Variants in XKR9 observed in about 807,000 individuals in gnomAD.
XKR9 encodes the protein XK related 9, also known as XK-related protein 9.
Under a neutral mutation model 32.0 loss-of-function variants are expected in XKR9, and 32 were observed. The ratio of observed to expected loss-of-function variants is 1.00; its 90% CI spans 0.76 to 1.34. XKR9 has a LOEUF of 1.34. Among genes scored for constraint, XKR9 ranks in the 40% most tolerant of loss-of-function variants. The pLI is 0.00. For missense variants in XKR9, 546 were observed against 429.7 expected (o/e 1.27, Z -2.39); for synonymous variants, 168 against 143.4 (o/e 1.17, Z -1.22).
chr8:70,761,497 C>T (rs545724171), intron 2 of XKR9, among the ~76,000 whole-genome samples: 6 of 152,078 alleles, frequency 3.9e-5, no homozygotes, highest in African/African-American at 7.2e-5. Context: ...GTTGTTCGCA[C>T]GTGTCTTCTT....
At chr8:70,881,830 G>T in the XKR9 span, among the ~76,000 whole-genome samples, 1 of 152,190 alleles carries the variant, frequency 6.6e-6, no homozygotes, top group Non-Finnish European at 1.5e-5. Context: ...GTTTATTGCG[G>T]CACTATTCAC....
At chr8:70,749,081 A>C (rs1169447889) in intron 2 of XKR9, among the ~76,000 whole-genome samples, 1 of 152,162 alleles carries the variant, frequency 6.6e-6, no homozygotes, top group Non-Finnish European at 1.5e-5. Flanking sequence ...CATCGGGATG[A>C]CCTGCCTACA....
chr8:70,895,757 G>A, the XKR9 span, among the ~76,000 whole-genome samples: 6 of 150,058 alleles, frequency 4.0e-5, no homozygotes, highest in African/African-American at 1.2e-4. Flanking sequence ...GGCCAACGTG[G>A]GCAGATCACT....
chr8:70,792,481 A>T (rs1330563093), downstream of XKR9, among the ~76,000 whole-genome samples: 1 of 152,158 alleles, frequency 6.6e-6, no homozygotes, highest in Non-Finnish European at 1.5e-5. Context: ...GGTGTCATGT[A>T]CTGTGCCAGA....
the XKR9 span, among the ~76,000 whole-genome samples, chr8:70,835,260 T>C: frequency 2.0e-5 from 3 of 152,242 alleles, no homozygotes; most frequent in East Asian, 5.8e-4. Context: ...TTTATTTGAC[T>C]GGGAAAAGAA....
the XKR9 span, among the ~76,000 whole-genome samples, chr8:70,939,547 TG>T: frequency 6.6e-6 from 1 of 152,114 alleles, no homozygotes; most frequent in African/African-American, 2.4e-5. Context: ...TCTTCAGTGC[TG>T]GGCCTGCCAG....
the XKR9 span, among the ~76,000 whole-genome samples, chr8:70,999,357 A>G: frequency 6.6e-6 from 1 of 152,296 alleles, no homozygotes; most frequent in Admixed American, 6.5e-5. Context: ...CCACCATATC[A>G]TGAGATCTGA....
At chr8:70,778,440 G>T (rs188154671) in intron 2 of XKR9, among the ~76,000 whole-genome samples, 49 of 152,116 alleles carry the variant, frequency 3.2e-4, no homozygotes, top group African/African-American at 1.2e-3. Context: ...GCTCTTTTTT[G>T]GTTCCATATG....
intron 4 of XKR9, among the ~76,000 whole-genome samples, chr8:70,733,074 T>C (rs1586870292): frequency 6.6e-6 from 1 of 151,604 alleles, no homozygotes; most frequent in South Asian, 2.1e-4. Context: ...ACCACTGCAC[T>C]CCAGCCATAG....
the XKR9 span, among the ~76,000 whole-genome samples, chr8:70,974,491 T>C: frequency 6.6e-6 from 1 of 152,108 alleles, no homozygotes; most frequent in Non-Finnish European, 1.5e-5. Flanking sequence ...GAACATGCAG[T>C]GTTTGGTTTT....
the XKR9 span, among the ~76,000 whole-genome samples, chr8:70,927,323 T>C: frequency 3.3e-5 from 5 of 152,128 alleles, no homozygotes; most frequent in African/African-American, 9.7e-5. Flanking sequence ...CGTCTTTGGA[T>C]GCCGGGCAGC....
intron 2 of XKR9, among the ~76,000 whole-genome samples, chr8:70,752,119 C>T (rs1807150840): frequency 6.6e-6 from 1 of 152,188 alleles, no homozygotes; most frequent in Admixed American, 6.5e-5. Context: ...TTTTCCCTCT[C>T]ACTGATTCTG....
At chr8:70,978,237 T>A in the XKR9 span, among the ~76,000 whole-genome samples, 59 of 152,326 alleles carry the variant, frequency 3.9e-4, 1 homozygote, top group Admixed American at 3.3e-3. Flanking sequence ...CATTTACATT[T>A]AAGGTTAGTA....
At chr8:70,945,443 T>TC in the XKR9 span, among the ~76,000 whole-genome samples, 1 of 152,104 alleles carries the variant, frequency 6.6e-6, no homozygotes, top group Non-Finnish European at 1.5e-5. Flanking sequence ...GATCATGGCA[T>TC]CCCCCAAATG....
At chr8:70,789,918 A>G (rs1261082118) in intron 3 of XKR9, among the ~76,000 whole-genome samples, 1 of 151,994 alleles carries the variant, frequency 6.6e-6, no homozygotes, top group East Asian at 1.9e-4. Flanking sequence ...TGGAGTAACC[A>G]TTAGCAACAA....
Position 70,778,901 on chromosome 8 carries a change from C to T in XKR9, n.353-10438C>T, listed in dbSNP as rs1043097471. On this transcript the variant is annotated intron_variant and non_coding_transcript_variant, in intron 2 of 3. Coordinates refer to the XKR9 transcript ENST00000520273. ...CAGTTATGTCATCTGCAAACAGAGA[C>T]AATTTGACTTCCTTTTTTCCTAATG... 2.0e-5 allele frequency among the ~76,000 whole-genome samples: 3 copies of T among 152,136 alleles called. No individual in the cohort carries two copies. The East Asian group carries it at 5.8e-4, about 29-fold the overall frequency.
the XKR9 span, among the ~76,000 whole-genome samples, chr8:70,816,287 G>A: frequency 6.6e-6 from 1 of 152,204 alleles, no homozygotes; most frequent in Non-Finnish European, 1.5e-5. Flanking sequence ...AAACTGGACA[G>A]TAGCTGGGAA....
At chr8:70,886,086 G>A in the XKR9 span, among the ~76,000 whole-genome samples, 1 of 151,956 alleles carries the variant, frequency 6.6e-6, no homozygotes, top group Non-Finnish European at 1.5e-5. Context: ...TTCCCCACCT[G>A]GTGTCCATGT....
At chr8:70,732,204 C>A (rs539714228) in intron 4 of XKR9, among the ~76,000 whole-genome samples, 1 of 152,160 alleles carries the variant, frequency 6.6e-6, no homozygotes, top group African/African-American at 2.4e-5. Context: ...ATGGGGCTAC[C>A]GAACCATTTG....
Sources: allele counts gnomAD v4.1 joint callset (sites outside exome capture counted in the v4.1 genomes callset), GRCh38; gene constraint gnomAD v4.1.1; transcripts MANE v1.5; gene names NCBI Gene and HGNC (gene_info 2026-07-23, HGNC 2026-07-21).